PDE4B: variants seen among roughly 807,000 people sequenced by gnomAD.
The protein encoded by PDE4B is 3',5'-cyclic-AMP phosphodiesterase 4B.
In PDE4B, 20 loss-of-function variants were observed where a neutral mutation model predicts 82.2. The ratio of observed to expected loss-of-function variants is 0.24; its 90% CI spans 0.17 to 0.35. PDE4B has a LOEUF of 0.35. Ranked by LOEUF, PDE4B falls within the 10% of genes least tolerant of loss-of-function variation. PDE4B has a pLI of 1.00. For missense variants in PDE4B, 655 were observed against 907.2 expected, an observed-to-expected ratio of 0.72 and a Z score of 3.57; for synonymous variants, 320 against 318.9, an observed-to-expected ratio of 1.00 and a Z score of -0.04.
At chr1:66,314,963 T>A (rs1319252121) in intron 7 of PDE4B, among the ~76,000 whole-genome samples, 1 of 152,210 alleles carries the variant, frequency 6.6e-6, no homozygotes, top group Admixed American at 6.5e-5. Flanking sequence ...TTTCACTTTG[T>A]GTCTATGCAC....
intron 3 of PDE4B, among the ~76,000 whole-genome samples, chr1:66,213,659 A>G (rs1361628243): frequency 6.6e-6 from 1 of 152,114 alleles, no homozygotes; most frequent in Non-Finnish European, 1.5e-5. Flanking sequence ...TTTCTACTTG[A>G]TGGAGACCAC....
At chr1:66,095,792 C>T (rs998608191) in intron 3 of PDE4B, among the ~76,000 whole-genome samples, 3 of 151,894 alleles carry the variant, frequency 2.0e-5, no homozygotes, top group African/African-American at 7.2e-5. Context: ...TCTGTATCCT[C>T]GAGCTTCACC....
At chr1:66,340,286 C>T (rs139384187) in intron 8 of PDE4B, among the ~76,000 whole-genome samples, 21 of 152,308 alleles carry the variant, frequency 1.4e-4, no homozygotes, top group Non-Finnish European at 2.5e-4. Context: ...TAGCCAAGTG[C>T]TTCCACAAAG....
chr1:65,958,147 G>A (rs1214195117), intron 3 of PDE4B, among the ~76,000 whole-genome samples: 2 of 151,956 alleles, frequency 1.3e-5, no homozygotes, highest in Non-Finnish European at 2.9e-5. Flanking sequence ...TAGGTTATGG[G>A]CGCTTTTTGC....
At chr1:66,143,559 T>C (rs137908740) in intron 3 of PDE4B, among the ~76,000 whole-genome samples, 1,679 of 152,234 alleles carry the variant, frequency 0.011, 28 homozygotes, top group African/African-American at 0.038. Context: ...GGTGATGCCA[T>C]ATAGTGGAAT....
intron 1 of PDE4B, among the ~76,000 whole-genome samples, chr1:65,800,045 GA>G (rs925636549): frequency 2.6e-5 from 4 of 152,126 alleles, no homozygotes; most frequent in African/African-American, 9.7e-5. Context: ...GCTGAAAAAA[GA>G]AAGATTAAAG....
chr1:66,220,978 C>T (rs543781498), intron 3 of PDE4B, among the ~76,000 whole-genome samples: 107 of 152,192 alleles, frequency 7.0e-4, no homozygotes, highest in African/African-American at 2.2e-3. Context: ...ATTTATATAA[C>T]ATATATTAAT....
intron 3 of PDE4B, among the ~76,000 whole-genome samples, chr1:66,080,832 G>A (rs1417629971): frequency 6.6e-6 from 1 of 152,090 alleles, no homozygotes; most frequent in Non-Finnish European, 1.5e-5. Flanking sequence ...GAGGTTTGGG[G>A]TATGACTGAA....
intron 1 of PDE4B, among the ~76,000 whole-genome samples, chr1:65,868,005 A>G (rs1646531438): frequency 6.6e-6 from 1 of 152,196 alleles, no homozygotes; most frequent in African/African-American, 2.4e-5. Context: ...ATATCTGTCT[A>G]AGTGTTGGAT....
At chr1:66,257,610 T>C (rs756202743) in intron 4 of PDE4B, 37 bp from the exon 5 acceptor site, 3 of 1,581,938 alleles carry the variant, frequency 1.9e-6, no homozygotes, top group Non-Finnish European at 2.6e-6. Flanking sequence ...ATAATTCAAG[T>C]AAATTTCTAA....
chr1:65,897,574 G>C (rs560320084), intron 1 of PDE4B, among the ~76,000 whole-genome samples: 4 of 152,054 alleles, frequency 2.6e-5, no homozygotes, highest in African/African-American at 7.2e-5. Context: ...TTGTAAGTGA[G>C]AGCGTGTGTA....
At chr1:66,354,014 A>G (rs1435527314) in intron 8 of PDE4B, among the ~76,000 whole-genome samples, 1 of 152,202 alleles carries the variant, frequency 6.6e-6, no homozygotes, top group African/African-American at 2.4e-5. Flanking sequence ...AGTACTTTTC[A>G]AATAAAATAA....
At chr1:66,341,668 T>G (rs754173718) in intron 8 of PDE4B, among the ~76,000 whole-genome samples, 1 of 152,256 alleles carries the variant, frequency 6.6e-6, no homozygotes, top group Non-Finnish European at 1.5e-5. Flanking sequence ...GTAACTGCCC[T>G]TAACTTCTTT....
At chr1:66,146,341 G>C (rs1646272132) in intron 3 of PDE4B, among the ~76,000 whole-genome samples, 1 of 151,918 alleles carries the variant, frequency 6.6e-6, no homozygotes, top group Non-Finnish European at 1.5e-5. Context: ...CGGCCACCAT[G>C]CCTGGCTATT....
chr1:66,361,554 A>G lies in PDE4B; in HGVS notation c.842-61A>G. ...TTATAGATGGTTAGAGTTGTTTTGA[A>G]TATTGCAGTGGATTCTCATAGACAC... On this transcript the variant is annotated intron_variant, in intron 9 of 16. Coordinates refer to ENST00000341517, the MANE Select transcript of PDE4B (RefSeq NM_002600.4). The G allele has an allele frequency of 5.3e-6, 7 of 1,331,464 alleles. No individual in the cohort carries two copies. In the South Asian group the frequency reaches 6.6e-5, roughly 13 times the overall value. 82.5% of individuals were successfully genotyped at this position (1,331,464 alleles called of 1,614,324 possible).
At position 65,843,500 on chromosome 1, in the gene PDE4B, A is replaced by G. The variant is rs1646232692; in HGVS notation, c.-71+50252A>G. Among the ~76,000 whole-genome samples, 6 of 152,314 alleles carry G rather than the reference A, an allele frequency of 3.9e-5. No individual in the cohort carries two copies. The South Asian group carries it at 1.2e-3, about 32-fold the overall frequency. ...CTTGTTAACAGTTAAAAAGTAAAAT[A>G]CATTTTGGACTTTCAGCTTTTCATT... On this transcript the variant is annotated intron_variant, in intron 1 of 16. Transcript: ENST00000341517.
At chr1:65,918,189 C>T (rs115917681) in intron 2 of PDE4B, among the ~76,000 whole-genome samples, 1,768 of 152,150 alleles carry the variant, frequency 0.012, 33 homozygotes, top group African/African-American at 0.038. Context: ...AAATACTGAA[C>T]GAGAAACTTT....
intron 1 of PDE4B, among the ~76,000 whole-genome samples, chr1:65,898,865 A>G (rs1646940089): frequency 1.3e-5 from 2 of 152,166 alleles, no homozygotes; most frequent in Admixed American, 6.6e-5. Flanking sequence ...TAAAAATTCT[A>G]GAAGATAACA....
intron 3 of PDE4B, among the ~76,000 whole-genome samples, chr1:65,937,939 C>T (rs1054944424): frequency 6.6e-6 from 1 of 152,160 alleles, no homozygotes; most frequent in East Asian, 1.9e-4. Context: ...CTGTCCCCTA[C>T]TTTATTTAAA....
Sources: allele counts gnomAD v4.1 joint callset (sites outside exome capture counted in the v4.1 genomes callset), GRCh38; gene constraint gnomAD v4.1.1; transcripts MANE v1.5; gene names NCBI Gene and HGNC (gene_info 2026-07-23, HGNC 2026-07-21).